Variants in KCNT2 observed in about 807,000 individuals in gnomAD.
The protein encoded by KCNT2 is potassium sodium-activated channel subfamily T member 2.
A neutral mutation model predicts 153.8 loss-of-function variants in KCNT2; 67 were observed. The ratio of observed to expected loss-of-function variants is 0.44; its 90% CI spans 0.36 to 0.53. The LOEUF is 0.53. Among genes scored for constraint, KCNT2 ranks in the 20% least tolerant of loss-of-function variants. The pLI is 0.00. For missense variants in KCNT2, 975 were observed against 1,354.8 expected, an observed-to-expected ratio of 0.72 and a Z score of 4.40; for synonymous variants, 500 against 458.8, an observed-to-expected ratio of 1.09 and a Z score of -1.15.
Position 196,313,986 on chromosome 1 carries a change from C to G in KCNT2, c.2483+1906G>C, listed in dbSNP as rs180983335. Among the ~76,000 whole-genome samples, 16 of 151,696 alleles carry G rather than the reference C, an allele frequency of 1.1e-4. No individual in the cohort carries two copies. In the East Asian group the frequency reaches 2.9e-3, roughly 28 times the overall value. On this transcript the variant is annotated intron_variant, in intron 21 of 27. Transcript: ENST00000294725. ...TTCATTCAACAAGTGGTAATCACAT[C>G]TTCAGCTAGGTACTCAGAGTAACAT...
intron 16 of KCNT2, among the ~76,000 whole-genome samples, chr1:196,337,305 C>T (rs1009925476): frequency 6.6e-6 from 1 of 151,986 alleles, no homozygotes; most frequent in Non-Finnish European, 1.5e-5. Flanking sequence ...TCCTGATTAT[C>T]CTCAAAGTAC....
chr1:196,319,615 G>T, intron 19 of KCNT2, 60 bp from the exon 20 acceptor site: 1 of 1,080,286 alleles, frequency 9.3e-7, no homozygotes, highest in Non-Finnish European at 1.4e-6. Flanking sequence ...AGCACTTCTA[G>T]GGAAAGGAAG....
At chr1:196,607,133 A>C (rs368909726) in intron 1 of KCNT2, among the ~76,000 whole-genome samples, 1 of 152,170 alleles carries the variant, frequency 6.6e-6, no homozygotes, top group African/African-American at 2.4e-5. Flanking sequence ...GGGAGCTGAA[A>C]AGGTGAAGAA....
intron 27 of KCNT2, among the ~76,000 whole-genome samples, chr1:196,234,316 C>T (rs1310007773): frequency 6.6e-6 from 1 of 151,154 alleles, no homozygotes; most frequent in Admixed American, 6.6e-5. Flanking sequence ...AATTGTCTCC[C>T]CATTCTGACT....
At chr1:196,561,573 G>A (rs1659387293) in intron 1 of KCNT2, among the ~76,000 whole-genome samples, 1 of 144,490 alleles carries the variant, frequency 6.9e-6, no homozygotes. Flanking sequence ...ATTTTGCCAA[G>A]GTTAAAGAAT....
At chr1:196,554,533 A>G (rs1658378786) in intron 1 of KCNT2, among the ~76,000 whole-genome samples, 1 of 151,172 alleles carries the variant, frequency 6.6e-6, no homozygotes, top group Admixed American at 6.6e-5. Context: ...CTTTGACCCC[A>G]TGGCTTCACT....
At chr1:196,358,963 A>C (rs1335659844) in intron 14 of KCNT2, among the ~76,000 whole-genome samples, 1 of 151,982 alleles carries the variant, frequency 6.6e-6, no homozygotes, top group East Asian at 1.9e-4. Context: ...AAGAAATTAG[A>C]CTACTCAATC....
chr1:196,568,335 T>G (rs1215470469), intron 1 of KCNT2, among the ~76,000 whole-genome samples: 3 of 152,046 alleles, frequency 2.0e-5, no homozygotes, highest in Non-Finnish European at 4.4e-5. Context: ...GGCTCACATC[T>G]GTAATCCCAG....
intron 1 of KCNT2, among the ~76,000 whole-genome samples, chr1:196,495,262 CTT>C (rs565569330): frequency 6.9e-6 from 1 of 144,196 alleles, no homozygotes; most frequent in African/African-American, 2.5e-5. Context: ...TAAAGTAGAG[CTT>C]TTTTTTTTTT....
rs533681085 is a variant in KCNT2, at chr1:196,453,396, G to A, written c.638+11897C>T. ...GGCTTGTAAATTCTTGTAAGGCAGC[G>A]CCATGATACTGACAACTTCATCATT... On this transcript the variant is annotated intron_variant, in intron 8 of 27. Transcript: ENST00000294725. Among the ~76,000 whole-genome samples the A allele has an allele frequency of 9.2e-5, 14 of 151,976 alleles. 2 individuals are homozygous for A. Among genetic ancestry groups the A allele is most frequent in the African/African-American group, 3.4e-4 (14 of 41,512 alleles).
At chr1:196,268,666 T>G (rs970862204) in intron 25 of KCNT2, among the ~76,000 whole-genome samples, 1 of 152,154 alleles carries the variant, frequency 6.6e-6, no homozygotes, top group African/African-American at 2.4e-5. Flanking sequence ...GCCTGGGCAC[T>G]TCTTCCTTTT....
chr1:196,505,282 C>A (rs1178592448), intron 1 of KCNT2, among the ~76,000 whole-genome samples: 2 of 152,152 alleles, frequency 1.3e-5, no homozygotes, highest in Non-Finnish European at 2.9e-5. Flanking sequence ...GGAAGGGATC[C>A]AGTTTCAGCT....
rs1320669018 is a variant in KCNT2 at position 196,226,262 on chromosome 1, A to T, written c.*1962T>A. The T allele has an allele frequency of 9.2e-5, 14 of 152,172 alleles. No homozygotes were observed. In the East Asian group the frequency reaches 2.7e-3, roughly 29 times the overall value. 9.4% of individuals were successfully genotyped at this position (152,172 alleles called of 1,614,324 possible). ...TTCCTAAAAATAATGAAGTAAAAAAAGTCAACTTAAAGAAACATCATACTT... is the reference window on the plus strand; with the variant it reads ...TTCCTAAAAATAATGAAGTAAAAAATGTCAACTTAAAGAAACATCATACTT... On this transcript the variant is annotated 3_prime_UTR_variant, in exon 28 of 28. Transcript: ENST00000294725.
intron 22 of KCNT2, among the ~76,000 whole-genome samples, chr1:196,287,263 G>C (rs1239857757): frequency 6.6e-6 from 1 of 152,060 alleles, no homozygotes; most frequent in African/African-American, 2.4e-5. Flanking sequence ...ACTGGAGTTA[G>C]CTGTTCTTAT....
chr1:196,446,367 T>C (rs1675687813), intron 8 of KCNT2, among the ~76,000 whole-genome samples: 1 of 151,436 alleles, frequency 6.6e-6, no homozygotes, highest in Non-Finnish European at 1.5e-5. Flanking sequence ...ATTATCAATG[T>C]CATAGAATAA....
intron 22 of KCNT2, among the ~76,000 whole-genome samples, chr1:196,286,428 A>G (rs2147894353): frequency 6.6e-6 from 1 of 152,272 alleles, no homozygotes; most frequent in South Asian, 2.1e-4. Context: ...CAGCCTTCAG[A>G]CAGTGAGAAA....
At chr1:196,340,002 GT>G (rs947991231) in intron 16 of KCNT2, among the ~76,000 whole-genome samples, 1 of 151,958 alleles carries the variant, frequency 6.6e-6, no homozygotes, top group Non-Finnish European at 1.5e-5. Context: ...TGTTGATTGT[GT>G]TTTTGTAATA....
intron 17 of KCNT2, 150 bp from the exon 18 acceptor site, chr1:196,331,411 T>C: frequency 1.7e-6 from 1 of 592,860 alleles, no homozygotes; most frequent in Non-Finnish European, 3.1e-6. Flanking sequence ...AGAAGAGAGG[T>C]AGGCAAACTG....
At chr1:196,296,829 T>C in intron 22 of KCNT2, among the ~76,000 whole-genome samples, 1 of 151,870 alleles carries the variant, frequency 6.6e-6, no homozygotes, top group East Asian at 1.9e-4. Context: ...TGTACTGTAC[T>C]CTCTTTGACT....
Sources: gnomAD v4.1 joint callset for allele counts (sites outside exome capture counted in the v4.1 genomes callset) on GRCh38, gnomAD v4.1.1 for gene constraint, MANE v1.5 for transcripts, NCBI Gene and HGNC (gene_info 2026-07-23, HGNC 2026-07-21) for gene names.